Variants in CD1B observed in about 807,000 individuals in gnomAD.
CD1B encodes the protein CD1b molecule.
Under a neutral mutation model 39.8 loss-of-function variants are expected in CD1B, and 43 were observed. That is an observed-to-expected ratio of 1.08 (90% CI 0.85 to 1.39). CD1B has a LOEUF of 1.39. Among genes scored for constraint, CD1B ranks in the 40% most tolerant of loss-of-function variants. The probability of loss-of-function intolerance (pLI) is 0.00; values close to 1 mark genes in which losing one functional copy is unlikely to be tolerated. For synonymous variants in CD1B, 192 were observed against 152.5 expected, an observed-to-expected ratio of 1.26 and a Z score of -1.91; for missense variants, 495 against 403.8, an observed-to-expected ratio of 1.23 and a Z score of -1.94.
chr1:158,317,072 G>A, the CD1B span, among the ~76,000 whole-genome samples: 3 of 151,910 alleles, frequency 2.0e-5, no homozygotes, highest in Admixed American at 6.6e-5. Flanking sequence ...GTATTTTATT[G>A]AGGATTTTTG....
chr1:158,317,837 C>A, the CD1B span, among the ~76,000 whole-genome samples: 1 of 152,096 alleles, frequency 6.6e-6, no homozygotes, highest in Admixed American at 6.6e-5. Flanking sequence ...GCTTTGAATG[C>A]GTCCCAGAGA....
chr1:158,290,256 T>A, the CD1B span: 64 of 738,412 alleles, frequency 8.7e-5, no homozygotes, highest in Admixed American at 1.5e-3. Context: ...TCCAGTTTAC[T>A]CTTTTGGAGG....
At chr1:158,315,395 C>T in the CD1B span, among the ~76,000 whole-genome samples, 1 of 151,810 alleles carries the variant, frequency 6.6e-6, no homozygotes, top group Non-Finnish European at 1.5e-5. Context: ...ATTTGCATTT[C>T]TCTGATGGCC....
the CD1B span, among the ~76,000 whole-genome samples, chr1:158,313,192 G>A: frequency 6.6e-6 from 1 of 152,152 alleles, no homozygotes. Context: ...TCCCTGGAAT[G>A]AATGCCACTT....
chr1:158,299,029 C>G, the CD1B span, among the ~76,000 whole-genome samples: 2 of 152,136 alleles, frequency 1.3e-5, no homozygotes, highest in African/African-American at 4.8e-5. Flanking sequence ...CCTGATTGCC[C>G]TGGCCAGACT....
the CD1B span, chr1:158,291,056 C>T: frequency 4.2e-6 from 6 of 1,432,800 alleles, no homozygotes; most frequent in Non-Finnish European, 5.7e-6. Context: ...AACTGGTTCA[C>T]CTTCCATTTT....
At chr1:158,315,790 G>C in the CD1B span, among the ~76,000 whole-genome samples, 1 of 152,012 alleles carries the variant, frequency 6.6e-6, no homozygotes, top group Admixed American at 6.6e-5. Flanking sequence ...TATGGTTTTA[G>C]CTCTAACGTT....
chr1:158,317,021 G>T, the CD1B span, among the ~76,000 whole-genome samples: 1 of 151,588 alleles, frequency 6.6e-6, no homozygotes, highest in Non-Finnish European at 1.5e-5. Flanking sequence ...CTTGATCATG[G>T]TGGATAAGCT....
At chr1:158,304,394 G>A in the CD1B span, among the ~76,000 whole-genome samples, 1 of 152,288 alleles carries the variant, frequency 6.6e-6, no homozygotes, top group South Asian at 2.1e-4. Context: ...GGCTGGGGGA[G>A]GGGCGCCCAC....
chr1:158,292,998 A>G, the CD1B span: 2 of 968,950 alleles, frequency 2.1e-6, no homozygotes, highest in Non-Finnish European at 3.1e-6. Flanking sequence ...GGTAATTTAA[A>G]GAATAGTGGA....
chr1:158,316,848 T>G, the CD1B span, among the ~76,000 whole-genome samples: 566 of 152,122 alleles, frequency 3.7e-3, 4 homozygotes, highest in Non-Finnish European at 5.1e-3. Flanking sequence ...ACCTAATTTA[T>G]TGAGAGTTTT....
chr1:158,299,684 G>A, the CD1B span, among the ~76,000 whole-genome samples: 1 of 152,176 alleles, frequency 6.6e-6, no homozygotes, highest in African/African-American at 2.4e-5. Flanking sequence ...GGTCTATTCA[G>A]AGATTCAACT....
chr1:158,330,246 G>C (rs1404225290), intron 2 of CD1B, 116 bp from the exon 3 acceptor site: 15 of 922,934 alleles, frequency 1.6e-5, no homozygotes, highest in Non-Finnish European at 2.5e-5. Context: ...GTAAAATGAT[G>C]ATGAGCTAAA....
Position 158,329,891 on chromosome 1 carries a change from C to G in CD1B, c.568G>C (p.Gly190Arg). ...LYETCPRYLL[G>R]VLNAGKADLQ... ...TCTGCTTTTCCTGCATTGAGGACGC[C>G]CAAGAGATATCGGGGGCAGGTTTCA... Residue 190 changes from glycine to arginine, a missense_variant, in exon 3 of 6, where the codon GGC (glycine) becomes CGC (arginine). By Grantham distance (125) the Gly-to-Arg change is moderately radical. Transcript: ENST00000368168. The G allele has an allele frequency of 6.2e-7, 1 of 1,614,016 alleles. No homozygotes were observed. Among genetic ancestry groups the G allele is most frequent in the Non-Finnish European group, 8.5e-7 (1 of 1,179,994 alleles).
At chr1:158,320,777 G>T in the CD1B span, among the ~76,000 whole-genome samples, 2 of 151,838 alleles carry the variant, frequency 1.3e-5, no homozygotes, top group Admixed American at 6.6e-5. Context: ...ACCACTGGTT[G>T]TTCAGCTGTA....
At chr1:158,324,841 T>A (rs1652292147), downstream of CD1B, among the ~76,000 whole-genome samples, 1 of 152,184 alleles carries the variant, frequency 6.6e-6, no homozygotes, top group Admixed American at 6.5e-5. Flanking sequence ...ACAGTCTTGA[T>A]GACAGAGGTG....
the CD1B span, among the ~76,000 whole-genome samples, chr1:158,298,634 T>A: frequency 5.9e-5 from 9 of 152,238 alleles, no homozygotes; most frequent in African/African-American, 2.2e-4. Flanking sequence ...ATATTGATTC[T>A]TCCTATCGAT....
At chr1:158,289,934 G>C in the CD1B span, 1 of 737,072 alleles carries the variant, frequency 1.4e-6, no homozygotes, top group Non-Finnish European at 2.3e-6. Context: ...GATCTTCTTA[G>C]TTGCTGTCAG....
the CD1B span, among the ~76,000 whole-genome samples, chr1:158,310,158 A>G: frequency 4.6e-5 from 7 of 152,292 alleles, no homozygotes; most frequent in Admixed American, 4.6e-4. Flanking sequence ...CCCAGAAATA[A>G]ATCTGCACAC....
Sources: allele counts gnomAD v4.1 joint callset (sites outside exome capture counted in the v4.1 genomes callset), GRCh38; gene constraint gnomAD v4.1.1; transcripts MANE v1.5; gene names NCBI Gene and HGNC (gene_info 2026-07-23, HGNC 2026-07-21).